Variants in SFXN4 observed in about 807,000 individuals in gnomAD.
SFXN4 encodes sideroflexin-4.
In SFXN4, 48 loss-of-function variants were observed where a neutral mutation model predicts 54.6. The observed-to-expected ratio is 0.88, with a 90% confidence interval of 0.70 to 1.12. The LOEUF (loss-of-function observed/expected upper bound fraction) is 1.12. Among genes scored for constraint, SFXN4 ranks in the 50% most tolerant of loss-of-function variants. The pLI, the probability that SFXN4 is intolerant of heterozygous loss-of-function variation, is 0.00. For missense variants in SFXN4, 383 were observed against 409.2 expected (o/e 0.94, Z 0.55); for synonymous variants, 130 against 145.5 (o/e 0.89, Z 0.77).
At position 119,147,127 on chromosome 10, in the gene SFXN4, A is replaced by G. The variant is rs537858532; in HGVS notation, c.818+648T>C. Among the ~76,000 whole-genome samples, 7 of 152,240 alleles carry G rather than the reference A, an allele frequency of 4.6e-5. No individual in the cohort carries two copies. The South Asian group carries it at 1.5e-3, about 32-fold the overall frequency. On this transcript the variant is annotated intron_variant, in intron 12 of 13. Coordinates refer to ENST00000355697, the MANE Select transcript of SFXN4 (RefSeq NM_213649.2). ...GTCCCGCATCAATATGAAGAAGCCA[A>G]TCTGGCAGGAGAGAAGGACTCGACA...
chr10:119,159,768 A>C lies in SFXN4; in HGVS notation c.335-15T>G. 1.2e-6 allele frequency: 2 copies of C among 1,614,074 alleles called. No homozygotes were observed. The highest frequency in any genetic ancestry group is 8.5e-7 in the Non-Finnish European group (1 of 1,179,994). On this transcript the variant is annotated splice_polypyrimidine_tract_variant and intron_variant, in intron 5 of 13. Coordinates refer to ENST00000355697, the MANE Select transcript of SFXN4 (RefSeq NM_213649.2). ...AGGCAGGAACGCTGGCAGGAAGAGAAGAGAGGAGGTGTCAGTGATCACAGT... is the reference window on the plus strand; with the variant it reads ...AGGCAGGAACGCTGGCAGGAAGAGACGAGAGGAGGTGTCAGTGATCACAGT...
chr10:119,154,381 C>A (rs1011518300), intron 11 of SFXN4, among the ~76,000 whole-genome samples: 2 of 152,080 alleles, frequency 1.3e-5, no homozygotes, highest in Non-Finnish European at 2.9e-5. Flanking sequence ...TTCCTTAGAA[C>A]AAATCTCCTA....
At chr10:119,148,220 A>G (rs918939732) in intron 11 of SFXN4, among the ~76,000 whole-genome samples, 2 of 151,802 alleles carry the variant, frequency 1.3e-5, no homozygotes, top group African/African-American at 4.8e-5. Flanking sequence ...GGATCCCACA[A>G]CTCCTGCGAG....
chr10:119,154,989 C>T, intron 11 of SFXN4, 73 bp downstream of exon 11: 1 of 994,878 alleles, frequency 1.0e-6, no homozygotes, highest in Non-Finnish European at 1.6e-6. Flanking sequence ...ATGAATTTGT[C>T]ACCGGCTTTC....
rs764915639 is a variant in SFXN4 at position 119,165,663 on chromosome 10, G to C, written c.-16C>G. ...CCAGGGACATTTTGCGCTGGTTAGA[G>C]TGGCCGCCGCCGCCAGGCCGCGCGT... On this transcript the variant is annotated 5_prime_UTR_variant, in exon 1 of 14. Transcript: ENST00000355697. The C allele has an allele frequency of 6.5e-7, 1 of 1,548,382 alleles. No homozygotes were observed.
intron 6 of SFXN4, among the ~76,000 whole-genome samples, chr10:119,158,458 A>C (rs567880361): frequency 6.6e-6 from 1 of 151,134 alleles, no homozygotes; most frequent in East Asian, 2.0e-4. Flanking sequence ...TCTCTACGAA[A>C]AACAGAAATT....
At chr10:119,143,396 C>T (rs1362579358) in intron 13 of SFXN4, among the ~76,000 whole-genome samples, 24 of 151,670 alleles carry the variant, frequency 1.6e-4, no homozygotes, top group African/African-American at 4.4e-4. Flanking sequence ...GACAGGGTCT[C>T]ACTCTGTGAC....
intron 12 of SFXN4, 73 bp from the exon 13 acceptor site, chr10:119,146,426 G>GGT (rs1846799330): frequency 4.3e-6 from 3 of 700,498 alleles, no homozygotes; most frequent in South Asian, 1.5e-5. Context: ...GCTGAATCAG[G>GGT]GCGTGTGTGT....
Position 119,144,442 on chromosome 10 carries a change from A to G in SFXN4, c.936+1794T>C, listed in dbSNP as rs991083932. 7.2e-5 allele frequency among the ~76,000 whole-genome samples: 11 copies of G among 152,068 alleles called. No individual in the cohort carries two copies. In the East Asian group the frequency reaches 2.1e-3, roughly 29 times the overall value. On this transcript the variant is annotated intron_variant, in intron 13 of 13. Transcript: ENST00000355697. The stretch of plus-strand genomic sequence containing the variant: ...ACTGCACTCCAGCCTGGGTGACAGA[A>G]CGAGACTCCGTCTCAAAAAAAAAAA...
chr10:119,146,437 G>T, intron 12 of SFXN4, 84 bp from the exon 13 acceptor site: 2 of 537,508 alleles, frequency 3.7e-6, no homozygotes, highest in Non-Finnish European at 6.6e-6. Context: ...GCGTGTGTGT[G>T]TGTGTGTGTG....
chr10:119,156,198 G>C (rs550031205), intron 10 of SFXN4, among the ~76,000 whole-genome samples: 3 of 152,150 alleles, frequency 2.0e-5, no homozygotes, highest in Non-Finnish European at 2.9e-5. Flanking sequence ...TGAGGCAGGC[G>C]AATCACTTGA....
chr10:119,149,524 C>T (rs1415572363), intron 11 of SFXN4, among the ~76,000 whole-genome samples: 1 of 152,108 alleles, frequency 6.6e-6, no homozygotes, highest in African/African-American at 2.4e-5. Context: ...CCAAGGTGGG[C>T]AGATCACCTG....
intron 2 of SFXN4, among the ~76,000 whole-genome samples, chr10:119,163,647 C>A (rs1292410439): frequency 6.6e-6 from 1 of 151,948 alleles, no homozygotes; most frequent in Non-Finnish European, 1.5e-5. Context: ...AGGTGATCCA[C>A]CCACCTCGGC....
rs11364809 is a variant in SFXN4 at position 119,150,148 on chromosome 10, C to CT, written c.733-2289dup. On this transcript the variant is annotated intron_variant, in intron 11 of 13. Coordinates refer to ENST00000355697, the MANE Select transcript of SFXN4 (RefSeq NM_213649.2). ...TTTATTCTTCAGAGAAAAAAAAGAC[C>CT]TTTTTTTTTTTAAAGTAGACCAGTA... 2.1e-3 allele frequency among the ~76,000 whole-genome samples: 311 copies of CT among 149,812 alleles called. 4 individuals carry two copies. Among genetic ancestry groups the CT allele is most frequent in the African/African-American group, 6.6e-3 (269 of 40,802 alleles).
At chr10:119,158,588 C>G (rs1233500182) in intron 6 of SFXN4, among the ~76,000 whole-genome samples, 9 of 144,102 alleles carry the variant, frequency 6.2e-5, no homozygotes, top group Admixed American at 5.7e-4. Flanking sequence ...TGCACTCCAG[C>G]CTGGGAGACA....
intron 11 of SFXN4, among the ~76,000 whole-genome samples, chr10:119,152,343 G>A (rs529397848): frequency 1.3e-5 from 2 of 151,534 alleles, no homozygotes; most frequent in East Asian, 2.0e-4. Context: ...GCAATGGCAC[G>A]ACTTCGGCTC....
chr10:119,158,615 C>CAAAAAA (rs35982987), intron 6 of SFXN4, among the ~76,000 whole-genome samples: 4 of 65,700 alleles, frequency 6.1e-5, no homozygotes, highest in African/African-American at 1.4e-4. Flanking sequence ...GACTCCGTCT[C>CAAAAAA]AAAAAAAAAA....
chr10:119,143,468 T>C (rs1846646207), intron 13 of SFXN4, among the ~76,000 whole-genome samples: 1 of 152,054 alleles, frequency 6.6e-6, no homozygotes, highest in East Asian at 1.9e-4. Context: ...CCTGAGTAGC[T>C]AGGACTACAG....
intron 11 of SFXN4, among the ~76,000 whole-genome samples, chr10:119,149,725 A>G (rs1215760547): frequency 2.0e-5 from 3 of 152,184 alleles, no homozygotes; most frequent in Non-Finnish European, 4.4e-5. Context: ...ACTCCAGCCT[A>G]GGCAACAGAG....
Sources: gnomAD v4.1 joint callset for allele counts (sites outside exome capture counted in the v4.1 genomes callset) on GRCh38, gnomAD v4.1.1 for gene constraint, MANE v1.5 for transcripts, NCBI Gene and HGNC (gene_info 2026-07-23, HGNC 2026-07-21) for gene names.